Variants in FAT3 observed in about 807,000 individuals in gnomAD.
The protein encoded by FAT3 is protocadherin Fat 3.
A neutral mutation model predicts 310.2 loss-of-function variants in FAT3; 95 were observed. The ratio of observed to expected loss-of-function variants is 0.31; its 90% CI spans 0.26 to 0.36. The LOEUF (loss-of-function observed/expected upper bound fraction) is 0.36, where lower values mean the gene tolerates loss of function less well. Among genes scored for constraint, FAT3 ranks in the 10% least tolerant of loss-of-function variants. FAT3 has a pLI of 1.00. For missense variants in FAT3, 5,408 were observed against 5,715.6 expected (o/e 0.95, Z 1.74); for synonymous variants, 2,314 against 2,192.9 (o/e 1.06, Z -1.54).
chr11:92,645,276 TA>T (rs1315455363), intron 3 of FAT3, among the ~76,000 whole-genome samples: 3 of 152,212 alleles, frequency 2.0e-5, no homozygotes, highest in African/African-American at 7.2e-5. Context: ...AGGAAAACCA[TA>T]AATACAAAAG....
At position 92,890,988 on chromosome 11, in the gene FAT3, G is replaced by C. The variant is rs748087561; in HGVS notation, c.13645G>C (p.Val4549Leu). Residue 4549 changes from valine to leucine, a missense_variant, in exon 28 of 28, where the codon GTG becomes CTG. Physicochemically the swap from Val to Leu is conservative, Grantham distance 32. Around this residue, in one of 5 missense-constraint regions of FAT3, gnomAD observed 649 missense variants for 666.2 expected, o/e 0.97. Coordinates refer to ENST00000525166, the MANE Select transcript of FAT3 (RefSeq NM_001367949.2). ...TTCCAGAGGCACCTCATCCTCGGAT[G>C]TGTCTGCCAACTGCGGCTTTGACGA... ...HNSRGTSSSDVSANCGFDDSE... is the reference protein window; with the variant it reads ...HNSRGTSSSDLSANCGFDDSE... 1 of 1,613,938 alleles carries C rather than the reference G, an allele frequency of 6.2e-7. No individual in the cohort carries two copies.
At chr11:92,727,836 G>A (rs180854841) in intron 4 of FAT3, among the ~76,000 whole-genome samples, 38 of 152,318 alleles carry the variant, frequency 2.5e-4, no homozygotes, top group African/African-American at 9.1e-4. Flanking sequence ...CTCTCAGCCT[G>A]CAGCTTGCAA....
chr11:92,889,270 T>C (rs1342283975), intron 26 of FAT3, 22 bp downstream of exon 26: 4 of 694,430 alleles, frequency 5.8e-6, no homozygotes, highest in Non-Finnish European at 1.1e-5. Context: ...TTTTCTTCCA[T>C]AGCATTTCTT....
chr11:92,619,588 A>C (rs1368821945), intron 3 of FAT3, among the ~76,000 whole-genome samples: 2 of 152,014 alleles, frequency 1.3e-5, no homozygotes, highest in Non-Finnish European at 2.9e-5. Flanking sequence ...TCCCTGAGTC[A>C]AGTTTGGTAT....
intron 19 of FAT3, among the ~76,000 whole-genome samples, chr11:92,854,153 A>G (rs1948907950): frequency 6.6e-6 from 1 of 152,214 alleles, no homozygotes; most frequent in South Asian, 2.1e-4. Context: ...CTGATGTGTT[A>G]GCACCACCCT....
At chr11:92,435,641 T>G (rs1950920004) in intron 2 of FAT3, among the ~76,000 whole-genome samples, 1 of 151,188 alleles carries the variant, frequency 6.6e-6, no homozygotes, top group African/African-American at 2.4e-5. Flanking sequence ...TCTTGGCTCA[T>G]TGCGACCTCT....
chr11:92,408,194 A>C (rs1169781615), intron 2 of FAT3: 1 of 152,232 alleles, frequency 6.6e-6, no homozygotes, highest in Admixed American at 6.6e-5. Flanking sequence ...GAAGACCAGC[A>C]TGAGAGATCT....
chr11:92,308,986 C>A (rs772237076), intron 1 of FAT3, among the ~76,000 whole-genome samples: 1 of 152,024 alleles, frequency 6.6e-6, no homozygotes, highest in African/African-American at 2.4e-5. Context: ...TGGAATTCTA[C>A]GCCCCCGGGA....
chr11:92,593,983 A>G (rs1016245749), intron 3 of FAT3, among the ~76,000 whole-genome samples: 5 of 152,162 alleles, frequency 3.3e-5, no homozygotes, highest in African/African-American at 1.2e-4. Context: ...ACAAAACATG[A>G]GAAGCAAGGA....
At chr11:92,334,752 TG>T (rs370836481) in intron 1 of FAT3, among the ~76,000 whole-genome samples, 44 of 152,330 alleles carry the variant, frequency 2.9e-4, no homozygotes, top group African/African-American at 1.0e-3. Context: ...AAAAGATAGC[TG>T]CCTCAATTAT....
intron 18 of FAT3, among the ~76,000 whole-genome samples, chr11:92,843,124 A>G (rs1948591580): frequency 6.6e-6 from 1 of 152,110 alleles, no homozygotes; most frequent in Non-Finnish European, 1.5e-5. Flanking sequence ...CAGAGACAAG[A>G]TTCAAACTCA....
intron 1 of FAT3, among the ~76,000 whole-genome samples, chr11:92,247,792 T>C (rs2134269642): frequency 6.6e-6 from 1 of 150,706 alleles, no homozygotes; most frequent in Non-Finnish European, 1.5e-5. Flanking sequence ...AAAAATGAAC[T>C]AGATCCCTTT....
chr11:92,306,828 C>A (rs990697166), intron 1 of FAT3, among the ~76,000 whole-genome samples: 9 of 142,012 alleles, frequency 6.3e-5, no homozygotes, highest in Non-Finnish European at 1.2e-4. Context: ...CTCTATTGCC[C>A]TTGCACTGCT....
intron 1 of FAT3, among the ~76,000 whole-genome samples, chr11:92,238,087 G>C (rs1001582926): frequency 6.6e-6 from 1 of 152,080 alleles, no homozygotes; most frequent in Non-Finnish European, 1.5e-5. Context: ...GTTGGGATTT[G>C]AATCTAAAGC....
chr11:92,547,289 A>G (rs1954647591), intron 3 of FAT3, among the ~76,000 whole-genome samples: 1 of 152,106 alleles, frequency 6.6e-6, no homozygotes, highest in Non-Finnish European at 1.5e-5. Flanking sequence ...TCTTCAAGAG[A>G]CTCTACAAAG....
At position 92,570,115 on chromosome 11, in the gene FAT3, A is replaced by G. The variant is rs575518302; in HGVS notation, c.3607+45167A>G. Among the ~76,000 whole-genome samples, 12 of 152,324 alleles carry G rather than the reference A, an allele frequency of 7.9e-5. No individual in the cohort carries two copies. In the South Asian group the frequency reaches 2.3e-3, roughly 29 times the overall value. ...TAGTAAAATTGAGCAATGGCTGTTGAGTAAAGAACACGGTGAATATGCAGC... is the reference window on the plus strand; with the variant it reads ...TAGTAAAATTGAGCAATGGCTGTTGGGTAAAGAACACGGTGAATATGCAGC... On this transcript the variant is annotated intron_variant, in intron 3 of 27. Transcript: ENST00000525166.
At chr11:92,705,382 G>A (rs1591628996) in intron 4 of FAT3, among the ~76,000 whole-genome samples, 1 of 137,704 alleles carries the variant, frequency 7.3e-6, no homozygotes, top group African/African-American at 2.7e-5. Flanking sequence ...GATGGTGTTG[G>A]TGGTGGTGGT....
intron 3 of FAT3, among the ~76,000 whole-genome samples, chr11:92,667,368 C>G (rs2135812727): frequency 6.6e-6 from 1 of 152,170 alleles, no homozygotes; most frequent in East Asian, 1.9e-4. Context: ...CTTCTTGTAC[C>G]CTTTCCCCTC....
At chr11:92,850,678 T>A (rs1251813941) in intron 19 of FAT3, among the ~76,000 whole-genome samples, 1 of 152,220 alleles carries the variant, frequency 6.6e-6, no homozygotes, top group Non-Finnish European at 1.5e-5. Context: ...GATTATTCAA[T>A]GTATGAGGCA....
Sources: gnomAD v4.1 joint callset for allele counts (sites outside exome capture counted in the v4.1 genomes callset) on GRCh38, gnomAD v4.1.1 for gene constraint, gnomAD v4.1.1 regional missense constraint, MANE v1.5 for transcripts, NCBI Gene and HGNC (gene_info 2026-07-23, HGNC 2026-07-21) for gene names.